CLVS1: variants seen among roughly 807,000 people sequenced by gnomAD.
The protein encoded by CLVS1 is clavesin 1.
Under a neutral mutation model 33.1 loss-of-function variants are expected in CLVS1, and 10 were observed. The observed-to-expected ratio is 0.30, with a 90% CI of 0.19 to 0.51. CLVS1 has a LOEUF of 0.51. Ranked by LOEUF, CLVS1 falls within the 20% of genes least tolerant of loss-of-function variation. The probability of loss-of-function intolerance (pLI) is 0.97; values close to 1 mark genes in which losing one functional copy is unlikely to be tolerated. For missense variants in CLVS1, 343 were observed against 433.4 expected, an observed-to-expected ratio of 0.79 and a Z score of 1.85; for synonymous variants, 163 against 166.1, an observed-to-expected ratio of 0.98 and a Z score of 0.14.
In CLVS1 at chr8:61,200,624, G is replaced by C. The variant is rs180914582; in HGVS notation, c.-152+68764G>C. ...TGAGCAAGTTTTGTAAAGTGAGATT[G>C]CTGGTCCAAAGGAATGCACATTAAT... On this transcript the variant is annotated intron_variant, in intron 2 of 2. Transcript: ENST00000522621. 3.9e-3 allele frequency among the ~76,000 whole-genome samples: 598 copies of C among 152,276 alleles called. 5 individuals are homozygous for C. Among genetic ancestry groups the C allele is most frequent in the African/African-American group, 0.013 (548 of 41,548 alleles).
chr8:61,308,642 C>A (rs1045558004), intron 2 of CLVS1, among the ~76,000 whole-genome samples: 3 of 152,132 alleles, frequency 2.0e-5, no homozygotes, highest in African/African-American at 7.2e-5. Flanking sequence ...ATTTCCAGCA[C>A]CCTTAGGGGA....
At chr8:61,055,913 C>T (rs1804466306), upstream of CLVS1, among the ~76,000 whole-genome samples, 1 of 152,258 alleles carries the variant, frequency 6.6e-6, no homozygotes, top group African/African-American at 2.4e-5. Flanking sequence ...GGACTCCTTA[C>T]ATGCGTGGCT....
chr8:61,242,392 G>A (rs931386363), intron 2 of CLVS1, among the ~76,000 whole-genome samples: 5 of 151,624 alleles, frequency 3.3e-5, no homozygotes, highest in South Asian at 2.1e-4. Context: ...TTACCTTCAC[G>A]TTCTCTGATT....
intron 5 of CLVS1, among the ~76,000 whole-genome samples, chr8:61,464,134 TGTAATACAGA>T (rs1586011409): frequency 6.7e-6 from 1 of 150,094 alleles, no homozygotes; most frequent in East Asian, 1.9e-4. Flanking sequence ...ATAACCAAAA[TGTAATACAGA>T]GACACAAAGT....
chr8:61,104,581 T>TTGGC (rs1585612982), intron 1 of CLVS1, among the ~76,000 whole-genome samples: 1 of 152,218 alleles, frequency 6.6e-6, no homozygotes, highest in African/African-American at 2.4e-5. Context: ...ATTTGAAAAG[T>TTGGC]TGGCTTATTT....
the CLVS1 span, among the ~76,000 whole-genome samples, chr8:61,044,143 C>G: frequency 6.6e-6 from 1 of 152,054 alleles, no homozygotes; most frequent in African/African-American, 2.4e-5. Flanking sequence ...ACTATATGAT[C>G]CAGCAGATGC....
intron 1 of CLVS1, among the ~76,000 whole-genome samples, chr8:61,085,731 A>AAAG (rs1805108198): frequency 6.6e-6 from 1 of 150,594 alleles, no homozygotes; most frequent in African/African-American, 2.4e-5. Context: ...TCCCTACCAA[A>AAAG]AAAAAAAAAA....
At chr8:61,302,736 G>A (rs922794563) in intron 2 of CLVS1, among the ~76,000 whole-genome samples, 3 of 152,192 alleles carry the variant, frequency 2.0e-5, no homozygotes, top group Admixed American at 2.0e-4. Context: ...AACTACCTGA[G>A]ACTGGGTAAT....
At chr8:60,990,087 T>C in the CLVS1 span, among the ~76,000 whole-genome samples, 1 of 127,388 alleles carries the variant, frequency 7.9e-6, no homozygotes, top group African/African-American at 3.0e-5. Flanking sequence ...ATCGCGTCAC[T>C]GCTCTCCAGC....
intron 1 of CLVS1, among the ~76,000 whole-genome samples, chr8:61,125,319 G>A (rs1484950287): frequency 1.3e-5 from 2 of 152,138 alleles, no homozygotes; most frequent in Non-Finnish European, 2.9e-5. Flanking sequence ...GATGGTTTGG[G>A]GGTCAGGGGG....
chr8:60,996,446 CACA>C, the CLVS1 span, among the ~76,000 whole-genome samples: 1 of 152,230 alleles, frequency 6.6e-6, no homozygotes, highest in South Asian at 2.1e-4. Context: ...CAGCAGCTAT[CACA>C]ACAACAAGAG....
intron 3 of CLVS1, among the ~76,000 whole-genome samples, chr8:61,389,088 A>G (rs950826638): frequency 6.6e-6 from 1 of 152,208 alleles, no homozygotes; most frequent in Non-Finnish European, 1.5e-5. Flanking sequence ...TTTATTCTTA[A>G]GAAAACCCCT....
At chr8:61,027,689 C>A in the CLVS1 span, among the ~76,000 whole-genome samples, 71 of 152,084 alleles carry the variant, frequency 4.7e-4, no homozygotes, top group Non-Finnish European at 9.4e-4. Context: ...TTTTGTCTCT[C>A]CCCCTCCCCA....
Position 61,295,437 on chromosome 8 carries a change from G to C in CLVS1, c.-151-4240G>C, listed in dbSNP as rs569451158. ...GAAAAGGCAGAGACAGCTAGATTTT[G>C]AACAGCACCAGTCATCTTCCAATGA... On this transcript the variant is annotated intron_variant, in intron 1 of 5. Transcript: ENST00000325897. 2.6e-5 allele frequency among the ~76,000 whole-genome samples: 4 copies of C among 152,284 alleles called. No homozygotes were observed. The South Asian group carries it at 8.3e-4, about 32-fold the overall frequency.
chr8:61,038,437 G>GTATATATATATATATATA, the CLVS1 span, among the ~76,000 whole-genome samples: 10 of 142,718 alleles, frequency 7.0e-5, no homozygotes, highest in African/African-American at 2.6e-4. Context: ...CCTGTCGTTT[G>GTATATATATATATATATA]TATATATATA....
intron 3 of CLVS1, among the ~76,000 whole-genome samples, chr8:61,414,877 C>G (rs1043722034): frequency 6.6e-6 from 1 of 152,192 alleles, no homozygotes; most frequent in South Asian, 2.1e-4. Context: ...TCTAGGTTTT[C>G]CAGCCAGGGA....
intron 3 of CLVS1, among the ~76,000 whole-genome samples, chr8:61,442,841 G>A (rs755489272): frequency 5.9e-5 from 9 of 152,136 alleles, no homozygotes; most frequent in South Asian, 4.2e-4. Context: ...CTCGTGATCC[G>A]CCCGCGTTGG....
intron 2 of CLVS1, among the ~76,000 whole-genome samples, chr8:61,258,395 C>T (rs1809130750): frequency 6.6e-6 from 1 of 152,088 alleles, no homozygotes; most frequent in Non-Finnish European, 1.5e-5. Context: ...AAAGCAGTGC[C>T]ATACATCTTG....
the CLVS1 span, among the ~76,000 whole-genome samples, chr8:60,969,946 A>G: frequency 6.6e-6 from 1 of 152,234 alleles, no homozygotes; most frequent in Non-Finnish European, 1.5e-5. Flanking sequence ...ACCATTTTAT[A>G]TAAGGGGCTT....
Sources: gnomAD v4.1 joint callset for allele counts (sites outside exome capture counted in the v4.1 genomes callset) on GRCh38, gnomAD v4.1.1 for gene constraint, MANE v1.5 for transcripts, NCBI Gene and HGNC (gene_info 2026-07-23, HGNC 2026-07-21) for gene names.